Variants in TBC1D16 observed in about 807,000 individuals in gnomAD.
TBC1D16 encodes TBC1 domain family member 16.
TBC1D16 carries 58 observed loss-of-function variants against 74.7 expected under a neutral mutation model. The observed-to-expected ratio is 0.78, with a 90% confidence interval of 0.63 to 0.97. The LOEUF (loss-of-function observed/expected upper bound fraction) is 0.97. Among genes scored for constraint, TBC1D16 ranks in the 50% least tolerant of loss-of-function variants. The pLI, the probability that TBC1D16 is intolerant of heterozygous loss-of-function variation, is 0.00. For synonymous variants in TBC1D16, 493 were observed against 474.7 expected (o/e 1.04, Z -0.50); for missense variants, 1,014 against 1,079.5 (o/e 0.94, Z 0.85).
chr17:80,013,789 G>A (rs557820934), intron 1 of TBC1D16, among the ~76,000 whole-genome samples, 180 bp from the exon 2 acceptor site: 3 of 152,222 alleles, frequency 2.0e-5, no homozygotes, highest in East Asian at 1.9e-4. Context: ...CCTGTCCATC[G>A]CAGGAGGCTG....
chr17:79,974,234 T>C (rs1450734862), intron 3 of TBC1D16, among the ~76,000 whole-genome samples: 2 of 110,680 alleles, frequency 1.8e-5, no homozygotes, highest in East Asian at 4.9e-4. Context: ...GAATTTTCCA[T>C]TTAATTTTTT....
At chr17:80,019,719 G>T (rs529158474) in intron 1 of TBC1D16, among the ~76,000 whole-genome samples, 1 of 149,476 alleles carries the variant, frequency 6.7e-6, no homozygotes, top group Non-Finnish European at 1.5e-5. Flanking sequence ...GGAAGAATAC[G>T]TGTCCCTTAA....
Position 79,985,955 on chromosome 17 carries a change from T to C in TBC1D16, c.779+24205A>G, listed in dbSNP as rs2034818425. On this transcript the variant is annotated intron_variant, in intron 3 of 11. Transcript: ENST00000310924. The surrounding 1 kb of genome is among the most constrained non-coding windows in gnomAD (Gnocchi z 4.9). The stretch of plus-strand genomic sequence containing the variant: ...TTTAAATAAGAAAGCAGAAAGGTTA[T>C]GAAAAACCATTTTTCCCAACGAAAC... 6.6e-6 allele frequency among the ~76,000 whole-genome samples: 1 copy of C among 152,352 alleles called. No homozygotes were observed. Among genetic ancestry groups the C allele is most frequent in the Middle Eastern group, 3.4e-3 (1 of 294 alleles).
rs1429080748 is a variant in TBC1D16, at chr17:79,951,695, C to G, written c.942-98G>C. ...AATCAGAGGCCACTGTCGCCAACCT[C>G]AGAAGCAGGAAACAGTGAGTCCCAG... On this transcript the variant is annotated intron_variant, in intron 4 of 11. Transcript: ENST00000310924. The G allele has an allele frequency of 4.2e-6, 6 of 1,424,334 alleles. No individual in the cohort carries two copies. In the African/African-American group the frequency reaches 8.5e-5, roughly 20 times the overall value. The allele number at this position is 1,424,334 out of a possible 1,614,324, so 88.2% of individuals were successfully genotyped here. A position where few individuals can be genotyped will look rare whatever the true frequency, so the allele number is the denominator to read the frequency against.
rs747094249 is a variant in TBC1D16, at chr17:79,941,150, C to G, written c.2056-43G>C. The G allele has an allele frequency of 1.3e-6, 2 of 1,512,340 alleles. No homozygotes were observed. Among genetic ancestry groups the G allele is most frequent in the Admixed American group, 2.0e-5 (1 of 50,368 alleles). 93.7% of individuals were successfully genotyped at this position (1,512,340 alleles called of 1,614,324 possible). A position where few individuals can be genotyped will look rare whatever the true frequency, so the allele number is the denominator to read the frequency against. On this transcript the variant is annotated intron_variant, in intron 11 of 11. Transcript: ENST00000310924. This position sits in a 1 kb window ranked among gnomAD's most constrained non-coding sequence, Gnocchi z 4.3. ...GGGGTGAGGAGGGGCCGGGGGACAG[C>G]CTGGCAGCCTAGGGTCCCCATGGGA...
chr17:79,950,351 G>C lies in TBC1D16; in HGVS notation c.1257+60C>G. On this transcript the variant is annotated intron_variant, in intron 6 of 11. Coordinates refer to ENST00000310924, the MANE Select transcript of TBC1D16 (RefSeq NM_019020.4). This position sits in a 1 kb window ranked among gnomAD's most constrained non-coding sequence, Gnocchi z 4.6. ...CAGGCCCCGGCCCTCCTTCCCTCTC[G>C]CTCGTTCCCGGTTCCCGGCCGGCTC... is the stretch of plus-strand genomic sequence containing the variant. 6.6e-7 allele frequency: 1 copy of C among 1,516,346 alleles called. No individual in the cohort carries two copies. Among genetic ancestry groups the C allele is most frequent in the Non-Finnish European group, 8.8e-7 (1 of 1,136,944 alleles). 93.9% of individuals were successfully genotyped at this position (1,516,346 alleles called of 1,614,324 possible).
At chr17:79,951,897 G>T (rs575871317) in intron 4 of TBC1D16, 6 of 286,100 alleles carry the variant, frequency 2.1e-5, no homozygotes, top group East Asian at 7.3e-5. Context: ...CCTGCAGTCC[G>T]GGAGACCTGG....
In TBC1D16 at chr17:79,951,914, A is replaced by G. The variant is rs147515177; in HGVS notation, c.942-317T>C. On this transcript the variant is annotated intron_variant, in intron 4 of 11. Transcript: ENST00000310924. ...TGCAGTCCGGGAGACCTGGGTCCCA[A>G]CGCTGAGTGCCCTGGAATCCAGTTC... is the stretch of plus-strand genomic sequence containing the variant. The G allele has an allele frequency of 3.5e-4, 87 of 250,748 alleles. 1 individual carries two copies. The highest frequency in any genetic ancestry group is 1.8e-3 in the African/African-American group (81 of 44,990). The allele number at this position is 250,748 out of a possible 1,614,324, so 15.5% of individuals were successfully genotyped here. A position where few individuals can be genotyped will look rare whatever the true frequency, so the allele number is the denominator to read the frequency against.
At chr17:79,964,414 A>T (rs1361064956) in intron 3 of TBC1D16, among the ~76,000 whole-genome samples, 1 of 152,138 alleles carries the variant, frequency 6.6e-6, no homozygotes, top group East Asian at 1.9e-4. Flanking sequence ...GTATATTTTG[A>T]TGCGCACATT....
At position 79,950,694 on chromosome 17, in the gene TBC1D16, C is replaced by T; in HGVS notation, c.1090-116G>A. The T allele has an allele frequency of 1.3e-6, 2 of 1,544,954 alleles. No individual in the cohort carries two copies. Among genetic ancestry groups the T allele is most frequent in the Non-Finnish European group, 1.7e-6 (2 of 1,143,464 alleles). On this transcript the variant is annotated intron_variant, in intron 5 of 11. Transcript: ENST00000310924. The surrounding 1 kb of genome is among the most constrained non-coding windows in gnomAD (Gnocchi z 4.6). ...TCTCTTCTGAAAGGAGGGCAAGGGC[C>T]GTCCCCTGCATACAAACCCCTAAAT...
intron 2 of TBC1D16, 40 bp downstream of exon 2, chr17:80,013,327 T>A: frequency 6.4e-7 from 1 of 1,553,216 alleles, no homozygotes. Flanking sequence ...GAAAATAACC[T>A]GGGCTGTGCG....
intron 1 of TBC1D16, among the ~76,000 whole-genome samples, chr17:80,018,592 A>G (rs2036180955): frequency 6.8e-6 from 1 of 146,710 alleles, no homozygotes; most frequent in South Asian, 2.1e-4. Context: ...TGAAAAAATT[A>G]TTAATGAAAT....
At chr17:80,023,656 GGC>G (rs1491178275) in intron 1 of TBC1D16, among the ~76,000 whole-genome samples, 2 of 126,268 alleles carry the variant, frequency 1.6e-5, no homozygotes, top group East Asian at 2.1e-4. Flanking sequence ...ACTGCTGCCG[GGC>G]CCCCCCCCAC....
chr17:80,023,046 G>A (rs1452429856), intron 1 of TBC1D16, among the ~76,000 whole-genome samples: 3 of 150,116 alleles, frequency 2.0e-5, no homozygotes, highest in East Asian at 1.9e-4. Context: ...CTCAGCTGCC[G>A]CAACGCTGCA....
At chr17:79,955,279 C>T (rs1376535240) in intron 3 of TBC1D16, among the ~76,000 whole-genome samples, 2 of 152,106 alleles carry the variant, frequency 1.3e-5, no homozygotes, top group East Asian at 3.9e-4. Context: ...TACCCCAGGC[C>T]CTGTGTGGTC....
At chr17:80,019,265 A>T (rs535491765) in intron 1 of TBC1D16, among the ~76,000 whole-genome samples, 1 of 150,080 alleles carries the variant, frequency 6.7e-6, no homozygotes, top group East Asian at 1.9e-4. Context: ...GACAGGCAGA[A>T]CCTCACTGTG....
At chr17:79,992,892 G>C (rs1029937284) in intron 3 of TBC1D16, 2 of 152,312 alleles carry the variant, frequency 1.3e-5, no homozygotes, top group African/African-American at 4.8e-5. Flanking sequence ...TGAACAAAAT[G>C]TAACAAGAGG....
chr17:79,997,326 G>C (rs1379339032), intron 3 of TBC1D16, among the ~76,000 whole-genome samples: 3 of 151,956 alleles, frequency 2.0e-5, no homozygotes, highest in African/African-American at 7.3e-5. Context: ...GGAAGTGGGT[G>C]AAGGGTGTAT....
intron 1 of TBC1D16, among the ~76,000 whole-genome samples, chr17:80,030,945 G>A (rs1354203848): frequency 6.6e-6 from 1 of 152,212 alleles, no homozygotes; most frequent in Non-Finnish European, 1.5e-5. Context: ...CAAAGAACAG[G>A]GAAACAGCGA....
Sources: gnomAD v4.1 joint callset for allele counts (sites outside exome capture counted in the v4.1 genomes callset) on GRCh38, gnomAD v4.1.1 for gene constraint, Gnocchi (gnomAD v3.1) non-coding constraint, MANE v1.5 for transcripts, NCBI Gene and HGNC (gene_info 2026-07-23, HGNC 2026-07-21) for gene names.